The following CLTCL1 variants were observed in gnomAD, a reference collection of about 807,000 sequenced individuals.
The protein encoded by CLTCL1 is clathrin heavy chain like 1, also known as clathrin heavy chain 2.
CLTCL1 carries 159 observed loss-of-function variants against 190.0 expected under a neutral mutation model. The observed-to-expected ratio is 0.84, with a 90% confidence interval of 0.74 to 0.95. CLTCL1 has a LOEUF of 0.95. CLTCL1 is among the 40% of genes least tolerant of loss of function. The pLI, the probability that CLTCL1 is intolerant of heterozygous loss-of-function variation, is 0.00. For synonymous variants in CLTCL1, 752 were observed against 769.6 expected (o/e 0.98, Z 0.38); for missense variants, 1,878 against 2,033.4 (o/e 0.92, Z 1.47).
intron 3 of CLTCL1, among the ~76,000 whole-genome samples, chr22:19,243,557 T>TGCAGTGAGCTATGACTGCA (rs1272091436): frequency 4.6e-5 from 7 of 152,042 alleles, no homozygotes; most frequent in African/African-American, 1.7e-4. Context: ...AGTTTGAGGT[T>TGCAGTGAGCTATGACTGCA]GCAGTGAGCT....
chr22:19,275,711 GTCAA>G lies in CLTCL1; in HGVS notation c.158_161del (p.Ile53ThrfsTer2), dbSNP rs2087478282. 2 of 1,606,908 alleles carry G rather than the reference GTCAA, an allele frequency of 1.2e-6. No individual in the cohort carries two copies. Among genetic ancestry groups the G allele is most frequent in the Admixed American group, 3.4e-5 (2 of 58,866 alleles). ...GGATCGGAGCCATTGGGTCACTCAT[GTCAA>G]TGATCGTGACCTGTGCCTGCTCACC... is the stretch of plus-strand genomic sequence containing the variant. On this transcript the variant is annotated frameshift_variant, in exon 2 of 33. Coordinates refer to ENST00000427926, the MANE Select transcript of CLTCL1 (RefSeq NM_007098.4). LOFTEE classifies it high-confidence loss of function.
intron 18 of CLTCL1, among the ~76,000 whole-genome samples, chr22:19,218,644 T>G (rs914825641): frequency 1.3e-5 from 2 of 152,202 alleles, no homozygotes; most frequent in Non-Finnish European, 1.5e-5. Flanking sequence ...ACGAGGGTTT[T>G]GTTCCAACAT....
chr22:19,190,616 AAAAG>A (rs1375978116), intron 27 of CLTCL1, among the ~76,000 whole-genome samples: 1 of 151,486 alleles, frequency 6.6e-6, no homozygotes, highest in African/African-American at 2.4e-5. Context: ...AAAAAAAAAA[AAAAG>A]ATCACTGATC....
intron 30 of CLTCL1, chr22:19,181,030 CAGGTGG>C: frequency 1.8e-6 from 1 of 565,406 alleles, no homozygotes; most frequent in Non-Finnish European, 3.2e-6. Flanking sequence ...GATGGAACGC[CAGGTGG>C]GGCCCCCAGA....
intron 30 of CLTCL1, chr22:19,182,203 C>G (rs1399666793): frequency 2.0e-5 from 3 of 152,328 alleles, no homozygotes; most frequent in African/African-American, 7.2e-5. Flanking sequence ...ACCTGCTCAT[C>G]ATGGTGACAG....
chr22:19,232,256 C>A (rs1449753675), intron 10 of CLTCL1, among the ~76,000 whole-genome samples: 1 of 152,190 alleles, frequency 6.6e-6, no homozygotes. Flanking sequence ...CAAACCCAAA[C>A]AAACATTCTC....
chr22:19,270,461 C>T (rs1379554592), intron 2 of CLTCL1, among the ~76,000 whole-genome samples: 4 of 150,976 alleles, frequency 2.6e-5, no homozygotes, highest in African/African-American at 9.8e-5. Flanking sequence ...GGCACGGTGG[C>T]TCATGCCTGT....
At chr22:19,181,905 G>GA (rs782742123) in intron 30 of CLTCL1, 8 of 152,246 alleles carry the variant, frequency 5.3e-5, no homozygotes, top group Non-Finnish European at 1.2e-4. Context: ...GTGGAGTCTG[G>GA]GAACCCTGGG....
At chr22:19,191,190 C>A in intron 27 of CLTCL1, 114 bp downstream of exon 27, 1 of 1,294,246 alleles carries the variant, frequency 7.7e-7, no homozygotes, top group Non-Finnish European at 1.1e-6. Flanking sequence ...ACTGGTGAAT[C>A]TTCAAGTCAG....
At chr22:19,202,262 C>T (rs1423684256) in intron 22 of CLTCL1, among the ~76,000 whole-genome samples, 3 of 152,092 alleles carry the variant, frequency 2.0e-5, no homozygotes, top group Non-Finnish European at 4.4e-5. Context: ...ATACCTGTGG[C>T]TGCAGAGCTA....
At chr22:19,275,033 T>G (rs148668419) in intron 2 of CLTCL1, among the ~76,000 whole-genome samples, 22 of 152,284 alleles carry the variant, frequency 1.4e-4, no homozygotes, top group African/African-American at 4.3e-4. Flanking sequence ...CCGGCCCAGT[T>G]TTTGCTTTTC....
At chr22:19,211,752 G>A (rs1449031043) in intron 19 of CLTCL1, among the ~76,000 whole-genome samples, 1 of 130,760 alleles carries the variant, frequency 7.6e-6, no homozygotes, top group Non-Finnish European at 1.5e-5. Context: ...GGGCGACAGA[G>A]CAAGATTGCA....
intron 27 of CLTCL1, among the ~76,000 whole-genome samples, chr22:19,190,663 T>G (rs886171855): frequency 6.6e-6 from 1 of 151,006 alleles, no homozygotes; most frequent in African/African-American, 2.4e-5. Context: ...ATGACAAAAT[T>G]TGAAATATTG....
intron 15 of CLTCL1, 50 bp from the exon 16 acceptor site, chr22:19,222,143 G>A (rs782772555): frequency 6.3e-7 from 1 of 1,599,500 alleles, no homozygotes; most frequent in Non-Finnish European, 8.6e-7. Flanking sequence ...ACAAGTTATT[G>A]TTAGAAGCCT....
chr22:19,233,186 T>C lies in CLTCL1; in HGVS notation c.1501A>G (p.Ile501Val). 1 of 1,613,614 alleles carries C rather than the reference T, an allele frequency of 6.2e-7. No individual in the cohort carries two copies. The highest frequency in any genetic ancestry group is 8.5e-7 in the Non-Finnish European group (1 of 1,179,576). Residue 501 changes from isoleucine to valine, a missense_variant, in exon 9 of 33, where the codon ATT (isoleucine) becomes GTT (valine). Transcript: ENST00000427926. ...GTTACCTTTTTGGCATAGAGCACAA[T>C]TTTCTGGAATTGGCCTGTTTCTGCA... The part of the protein sequence containing the change: ...CFAETGQFQK[I>V]VLYAKKVGYT...
chr22:19,219,973 G>A lies in CLTCL1; in HGVS notation c.2831C>T (p.Ala944Val), dbSNP rs1601558400. ...CNENSLFKSE[A>V]RYLVCRKDPE... is the part of the protein sequence containing the mutation. ...ATCCTTTCTGCATACCAGGTAGCGG[G>A]CCTCGCTTTTGAACAGAGAATTCTC... Residue 944 changes from alanine to valine, a missense_variant, in exon 18 of 33, where the codon GCC becomes GTC. Ala to Val is a moderately conservative substitution (Grantham distance 64). Transcript: ENST00000427926. 2 of 1,614,014 alleles carry A rather than the reference G, an allele frequency of 1.2e-6. No individual in the cohort carries two copies. The highest frequency in any genetic ancestry group is 1.3e-5 in the African/African-American group (1 of 75,048).
rs1448792056 is a variant in CLTCL1, at chr22:19,210,381, TACAGTGCGCTGCTG to T, written c.3180_3193del (p.Ser1061Ter). 6.2e-7 allele frequency: 1 copy of T among 1,613,908 alleles called. No homozygotes were observed. Among genetic ancestry groups the T allele is most frequent in the Non-Finnish European group, 8.5e-7 (1 of 1,179,908 alleles). Reference sequence around the variant, plus strand: ...GTGGAAAACGGTGAAGGCCTCCTCATACAGTGCGCTGCTGACAGCGATGCTCGCGATGTCCAGTG... The same window carrying T: ...GTGGAAAACGGTGAAGGCCTCCTCATACAGCGATGCTCGCGATGTCCAGTG... On this transcript the variant is annotated frameshift_variant, in exon 20 of 33. Transcript: ENST00000427926. LOFTEE classifies it high-confidence loss of function.
intron 1 of CLTCL1, among the ~76,000 whole-genome samples, chr22:19,276,914 C>T (rs560339107): frequency 3.3e-5 from 5 of 152,178 alleles, no homozygotes; most frequent in African/African-American, 7.2e-5. Context: ...CCTCGTGATC[C>T]GCCCTCCTTG....
intron 19 of CLTCL1, among the ~76,000 whole-genome samples, chr22:19,211,076 T>A (rs971421759): frequency 6.2e-5 from 6 of 96,960 alleles, no homozygotes; most frequent in Non-Finnish European, 9.5e-5. Context: ...TTATAATAGA[T>A]GCATTCTTGC....
Sources: allele counts gnomAD v4.1 joint callset (sites outside exome capture counted in the v4.1 genomes callset), GRCh38; gene constraint gnomAD v4.1.1; transcripts MANE v1.5; gene names NCBI Gene and HGNC (gene_info 2026-07-23, HGNC 2026-07-21).